Variants in CREG2 observed in about 807,000 individuals in gnomAD.
The protein encoded by CREG2 is protein CREG2.
CREG2 carries 24 observed loss-of-function variants against 26.2 expected under a neutral mutation model. The ratio of observed to expected loss-of-function variants is 0.92; its 90% CI spans 0.66 to 1.29. The LOEUF (loss-of-function observed/expected upper bound fraction) is 1.29, where lower values mean the gene tolerates loss of function less well. Among genes scored for constraint, CREG2 ranks in the 50% most tolerant of loss-of-function variants. CREG2 has a pLI of 0.00. For synonymous variants in CREG2, 174 were observed against 169.2 expected (o/e 1.03, Z -0.22); for missense variants, 366 against 398.6 (o/e 0.92, Z 0.70).
At position 101,366,548 on chromosome 2, in the gene CREG2, C is replaced by T. The variant is rs554002434; in HGVS notation, c.612-11182G>A. Among the ~76,000 whole-genome samples, 10 of 152,178 alleles carry T rather than the reference C, an allele frequency of 6.6e-5. No homozygotes were observed. The South Asian group carries it at 1.0e-3, about 16-fold the overall frequency. On this transcript the variant is annotated intron_variant, in intron 2 of 3. Coordinates refer to ENST00000324768, the MANE Select transcript of CREG2 (RefSeq NM_153836.4). ...AAGAAAATAATACAAATAGGCCAGG[C>T]GCAGTGGCTCATGCCTGTAATCCCA...
At chr2:101,377,228 A>G (rs1431490842) in intron 2 of CREG2, among the ~76,000 whole-genome samples, 2 of 152,198 alleles carry the variant, frequency 1.3e-5, no homozygotes, top group Non-Finnish European at 2.9e-5. Flanking sequence ...AAACTGTTGT[A>G]TAACAAAAAT....
At chr2:101,369,077 C>A (rs1271902810) in intron 2 of CREG2, among the ~76,000 whole-genome samples, 1 of 152,170 alleles carries the variant, frequency 6.6e-6, no homozygotes, top group Non-Finnish European at 1.5e-5. Flanking sequence ...GACTTTAGAA[C>A]TTTCTCCAAA....
chr2:101,361,061 A>G (rs995438923), intron 2 of CREG2, among the ~76,000 whole-genome samples: 19 of 152,254 alleles, frequency 1.2e-4, no homozygotes, highest in Non-Finnish European at 2.4e-4. Flanking sequence ...CTGTGATGAA[A>G]GCAATGAAAT....
At chr2:101,382,937 G>A (rs1558822342) in intron 2 of CREG2, 11 of 985,598 alleles carry the variant, frequency 1.1e-5, no homozygotes, top group Non-Finnish European at 1.3e-5. Flanking sequence ...GGGAGGATGC[G>A]AGTTCAGGCT....
At position 101,387,010 on chromosome 2, in the gene CREG2, C is replaced by T; in HGVS notation, c.441+7G>A. 2 of 1,232,550 alleles carry T rather than the reference C, an allele frequency of 1.6e-6. No individual in the cohort carries two copies. Among genetic ancestry groups the T allele is most frequent in the Non-Finnish European group, 2.0e-6 (2 of 988,876 alleles). The allele number at this position is 1,232,550 out of a possible 1,614,324, so 76.4% of individuals were successfully genotyped here. A position where few individuals can be genotyped will look rare whatever the true frequency, so the allele number is the denominator to read the frequency against. On this transcript the variant is annotated splice_region_variant and intron_variant, in intron 1 of 3. Transcript: ENST00000324768. The surrounding 1 kb of genome is among the most constrained non-coding windows in gnomAD (Gnocchi z 4.7). ...AGGCCCCCTCGCGCTCCCCGCCGGG[C>T]GCTCACCTTCTTGTGGGTGGACACG...
At position 101,380,582 on chromosome 2, in the gene CREG2, C is replaced by T. The variant is rs191010205; in HGVS notation, c.611+2951G>A. Among the ~76,000 whole-genome samples, 543 of 152,324 alleles carry T rather than the reference C, an allele frequency of 3.6e-3. 2 individuals are homozygous for T. The highest frequency in any genetic ancestry group is 6.0e-3 in the Non-Finnish European group (409 of 68,034). On this transcript the variant is annotated intron_variant, in intron 2 of 3. Coordinates refer to ENST00000324768, the MANE Select transcript of CREG2 (RefSeq NM_153836.4). Reference sequence around the variant, plus strand: ...TGGGATGAAACAGGGATGACTCACGCCCTCCCCAGCTGCACAGACTAACAG... The same window carrying T: ...TGGGATGAAACAGGGATGACTCACGTCCTCCCCAGCTGCACAGACTAACAG...
intron 2 of CREG2, among the ~76,000 whole-genome samples, chr2:101,379,352 A>G (rs1263920598): frequency 2.0e-5 from 3 of 152,208 alleles, no homozygotes; most frequent in African/African-American, 7.2e-5. Flanking sequence ...AGAAAGCTGT[A>G]AAATATGAAG....
chr2:101,380,741 A>C (rs1433015534), intron 2 of CREG2, among the ~76,000 whole-genome samples: 1 of 152,096 alleles, frequency 6.6e-6, no homozygotes, highest in African/African-American at 2.4e-5. Flanking sequence ...CATGAGTTCA[A>C]GACCAGCCTG....
At chr2:101,373,300 G>T (rs1427383178) in intron 2 of CREG2, among the ~76,000 whole-genome samples, 2 of 152,198 alleles carry the variant, frequency 1.3e-5, no homozygotes, top group African/African-American at 2.4e-5. Flanking sequence ...AAAAAGGAAT[G>T]AATTATAGAC....
At chr2:101,377,401 G>T (rs376302956) in intron 2 of CREG2, among the ~76,000 whole-genome samples, 10 of 152,262 alleles carry the variant, frequency 6.6e-5, no homozygotes, top group African/African-American at 1.7e-4. Context: ...GGTCCCAAAG[G>T]CTTGCTGCCC....
chr2:101,386,913 G>A, intron 1 of CREG2, 104 bp downstream of exon 1: 4 of 1,140,682 alleles, frequency 3.5e-6, no homozygotes, highest in Non-Finnish European at 4.4e-6. Context: ...CACGTCTGGT[G>A]GACCCGGATC....
intron 3 of CREG2, among the ~76,000 whole-genome samples, chr2:101,351,886 TA>T (rs200597351): frequency 2.1e-4 from 32 of 151,726 alleles, no homozygotes; most frequent in South Asian, 4.2e-4. Flanking sequence ...CTTTATTTAT[TA>T]AAAAATTTTT....
At chr2:101,356,903 T>C (rs1240843053) in intron 2 of CREG2, among the ~76,000 whole-genome samples, 1 of 152,044 alleles carries the variant, frequency 6.6e-6, no homozygotes, top group Non-Finnish European at 1.5e-5. Flanking sequence ...TCTTCTTTTT[T>C]TTTTGAGATG....
At chr2:101,365,504 T>C (rs979788199) in intron 2 of CREG2, among the ~76,000 whole-genome samples, 1 of 152,222 alleles carries the variant, frequency 6.6e-6, no homozygotes, top group Non-Finnish European at 1.5e-5. Flanking sequence ...TGGTATGACA[T>C]CCTTCCCAAC....
At chr2:101,382,851 C>T in intron 2 of CREG2, 1 of 985,480 alleles carries the variant, frequency 1.0e-6, no homozygotes, top group South Asian at 4.7e-5. Flanking sequence ...CCATCCTGGG[C>T]ATTTGCTGCT....
intron 2 of CREG2, among the ~76,000 whole-genome samples, chr2:101,373,340 C>T (rs1209313460): frequency 6.6e-6 from 1 of 152,140 alleles, no homozygotes; most frequent in Non-Finnish European, 1.5e-5. Context: ...ACCTTGAAAA[C>T]ATTATGCTAA....
At chr2:101,356,950 C>A (rs1402877208) in intron 2 of CREG2, among the ~76,000 whole-genome samples, 1 of 151,508 alleles carries the variant, frequency 6.6e-6, no homozygotes, top group African/African-American at 2.4e-5. Context: ...AGTGCAATGG[C>A]GTAATCTTGG....
In CREG2 at chr2:101,383,716, A is replaced by G. The variant is rs774679018; in HGVS notation, c.442-14T>C. ...CAGTCCTTGGATCTAACAAACACCA[A>G]AAAAGGCTTTTTCAGTGCAGAGCTG... On this transcript the variant is annotated splice_polypyrimidine_tract_variant and intron_variant, in intron 1 of 3. Transcript: ENST00000324768. 1 of 1,583,998 alleles carries G rather than the reference A, an allele frequency of 6.3e-7. No homozygotes were observed. Among genetic ancestry groups the G allele is most frequent in the East Asian group, 2.2e-5 (1 of 44,506 alleles).
At chr2:101,384,413 C>CT (rs754550379) in intron 1 of CREG2, among the ~76,000 whole-genome samples, 1 of 152,142 alleles carries the variant, frequency 6.6e-6, no homozygotes, top group Non-Finnish European at 1.5e-5. Context: ...GATATCCATC[C>CT]CTCCAAATCT....
Sources: allele counts gnomAD v4.1 joint callset (sites outside exome capture counted in the v4.1 genomes callset), GRCh38; gene constraint gnomAD v4.1.1; non-coding constraint Gnocchi (gnomAD v3.1); transcripts MANE v1.5; gene names NCBI Gene and HGNC (gene_info 2026-07-23, HGNC 2026-07-21).